Variants in MIA2 observed in about 807,000 individuals in gnomAD.
The protein encoded by MIA2 is MIA SH3 domain ER export factor 2.
MIA2 carries 127 observed loss-of-function variants against 167.8 expected under a neutral mutation model. The observed-to-expected ratio is 0.76, with a 90% CI of 0.66 to 0.88. The LOEUF (loss-of-function observed/expected upper bound fraction) is 0.88, where lower values mean the gene tolerates loss of function less well. Among genes scored for constraint, MIA2 ranks in the 40% least tolerant of loss-of-function variants. The pLI is 0.00. For synonymous variants in MIA2, 552 were observed against 541.9 expected (o/e 1.02, Z -0.26); for missense variants, 1,690 against 1,624.7 (o/e 1.04, Z -0.69).
chr14:39,294,270 T>A (rs1032788558), intron 12 of MIA2, among the ~76,000 whole-genome samples, 199 bp downstream of exon 12: 1 of 152,054 alleles, frequency 6.6e-6, no homozygotes. Context: ...CGATCTTGGC[T>A]CACTGCAACC....
In MIA2 at chr14:39,350,536, G is replaced by A; in HGVS notation, c.*272G>A. 3.4e-6 allele frequency: 1 copy of A among 295,950 alleles called. No homozygotes were observed. The highest frequency in any genetic ancestry group is 2.2e-5 in the African/African-American group (1 of 46,388). 18.3% of individuals were successfully genotyped at this position (295,950 alleles called of 1,614,324 possible). On this transcript the variant is annotated 3_prime_UTR_variant, in exon 29 of 29. Transcript: ENST00000640607. ...GTTTTATATATGTAATCTTTCAGGT[G>A]GGGAGGCTTTAAATTCTGAAGTCTG... is the stretch of plus-strand genomic sequence containing the variant.
chr14:39,375,137 T>G (rs2075022065), intron 23 of MIA2, among the ~76,000 whole-genome samples: 1 of 152,236 alleles, frequency 6.6e-6, no homozygotes, highest in Non-Finnish European at 1.5e-5. Flanking sequence ...TGCTCCCAAT[T>G]AAAACTTAAG....
intron 6 of MIA2, among the ~76,000 whole-genome samples, chr14:39,269,559 A>AC: frequency 6.7e-6 from 1 of 149,454 alleles, no homozygotes; most frequent in Non-Finnish European, 1.5e-5. Flanking sequence ...CATCCCTGTC[A>AC]CCCAGGGGGG....
In MIA2 at chr14:39,262,552, G is replaced by C. The variant is rs546515881; in HGVS notation, c.1887+9381G>C. 3.3e-5 allele frequency among the ~76,000 whole-genome samples: 5 copies of C among 152,208 alleles called. No individual in the cohort carries two copies. The East Asian group carries it at 9.6e-4, about 29-fold the overall frequency. Reference sequence around the variant, plus strand: ...AGTAGTTTTTTCCAATTCTGTGAAGGAAGTCATTGATAGCTTGATGGGGAT... The same window carrying C: ...AGTAGTTTTTTCCAATTCTGTGAAGCAAGTCATTGATAGCTTGATGGGGAT... On this transcript the variant is annotated intron_variant, in intron 6 of 28. Transcript: ENST00000640607.
At chr14:39,365,835 G>C (rs1001201267) in intron 23 of MIA2, among the ~76,000 whole-genome samples, 9 of 151,870 alleles carry the variant, frequency 5.9e-5, no homozygotes, top group African/African-American at 1.9e-4. Context: ...ATTTTTATTG[G>C]AATATAATGC....
In MIA2 at chr14:39,314,799, GGTA is replaced by G. The variant is rs781545659; in HGVS notation, c.3180+1_3180+3del. 3 of 1,258,150 alleles carry G rather than the reference GGTA, an allele frequency of 2.4e-6. No homozygotes were observed. The allele number at this position is 1,258,150 out of a possible 1,614,324, so 77.9% of individuals were successfully genotyped here. ...GAACTATTCATTCTTATCAAGGGCA[GGTA>G]TATATATATGTGTGTGTGTGTGTGT... On this transcript the variant is annotated splice_donor_variant and splice_donor_region_variant and intron_variant, in intron 20 of 28. Coordinates refer to ENST00000640607, the MANE Select transcript of MIA2 (RefSeq NM_001329214.4). LOFTEE classifies it high-confidence loss of function.
intron 6 of MIA2, among the ~76,000 whole-genome samples, chr14:39,264,866 T>C (rs183111143): frequency 1.3e-5 from 2 of 152,346 alleles, no homozygotes; most frequent in African/African-American, 4.8e-5. Flanking sequence ...TCCGATGTTC[T>C]TGGATGTTTT....
At chr14:39,322,526 C>T (rs909362926) in intron 24 of MIA2, among the ~76,000 whole-genome samples, 10 of 138,724 alleles carry the variant, frequency 7.2e-5, no homozygotes, top group East Asian at 4.1e-4. Flanking sequence ...GGCAACAGAG[C>T]GAGACTCCGT....
chr14:39,344,379 C>T (rs1567005458), intron 25 of MIA2, among the ~76,000 whole-genome samples: 1 of 152,178 alleles, frequency 6.6e-6, no homozygotes, highest in Non-Finnish European at 1.5e-5. Context: ...GAGTTTAGAT[C>T]TCAGTGATTG....
At chr14:39,368,679 TC>T (rs2074873094) in intron 23 of MIA2, among the ~76,000 whole-genome samples, 4 of 141,462 alleles carry the variant, frequency 2.8e-5, no homozygotes, top group Non-Finnish European at 4.5e-5. Flanking sequence ...CTTTTTCTTT[TC>T]TTTTTTTTGT....
exon 24 of MIA2, chr14:39,387,389 G>A (rs1247317342): frequency 6.4e-6 from 1 of 155,482 alleles, no homozygotes; most frequent in Non-Finnish European, 1.4e-5. Context: ...AAGACATCAG[G>A]GGAAGAGGTC....
chr14:39,292,141 A>G (rs981268499), intron 10 of MIA2, among the ~76,000 whole-genome samples: 8 of 152,222 alleles, frequency 5.3e-5, no homozygotes, highest in African/African-American at 1.7e-4. Context: ...TGTTGAAATT[A>G]TATTTTATTT....
rs577943012 is a variant in MIA2 at position 39,236,562 on chromosome 14, C to T, written c.116-360C>T. ...CATAATGCCTAGAATATAGTAAGTGCCAGGAAGAAAACTGATTATCTTTTG... is the reference window on the plus strand; with the variant it reads ...CATAATGCCTAGAATATAGTAAGTGTCAGGAAGAAAACTGATTATCTTTTG... On this transcript the variant is annotated intron_variant, in intron 1 of 28. Transcript: ENST00000640607. 2.6e-5 allele frequency among the ~76,000 whole-genome samples: 4 copies of T among 152,132 alleles called. No individual in the cohort carries two copies. In the South Asian group the frequency reaches 8.3e-4, roughly 32 times the overall value.
intron 6 of MIA2, among the ~76,000 whole-genome samples, chr14:39,271,107 G>T (rs1444599351): frequency 1.3e-5 from 2 of 152,112 alleles, no homozygotes; most frequent in African/African-American, 4.8e-5. Context: ...GAAGTTCTTC[G>T]ATCCACTTTG....
intron 23 of MIA2, among the ~76,000 whole-genome samples, chr14:39,360,352 A>G (rs2074653153): frequency 6.6e-6 from 1 of 151,834 alleles, no homozygotes. Flanking sequence ...TTTGATTTCC[A>G]TTTCTTTGAT....
intron 24 of MIA2, among the ~76,000 whole-genome samples, chr14:39,323,956 G>A (rs1320060190): frequency 6.6e-6 from 1 of 152,150 alleles, no homozygotes; most frequent in East Asian, 1.9e-4. Context: ...GAGTTGATCC[G>A]AACTAAAAGT....
At chr14:39,266,687 A>C in intron 6 of MIA2, 1 of 985,584 alleles carries the variant, frequency 1.0e-6, no homozygotes, top group Non-Finnish European at 1.2e-6. Flanking sequence ...TTCTGACTGG[A>C]ATGACGGCGG....
intron 18 of MIA2, among the ~76,000 whole-genome samples, chr14:39,308,952 A>G (rs2063776588): frequency 6.6e-6 from 1 of 152,144 alleles, no homozygotes; most frequent in South Asian, 2.1e-4. Context: ...TTCTGTGCAA[A>G]TTGCTTCTGC....
At chr14:39,365,360 A>T (rs1049701950) in intron 23 of MIA2, among the ~76,000 whole-genome samples, 3 of 152,214 alleles carry the variant, frequency 2.0e-5, no homozygotes, top group African/African-American at 7.2e-5. Context: ...GCACCCGGCC[A>T]TTAAATAGGT....
Sources: gnomAD v4.1 joint callset for allele counts (sites outside exome capture counted in the v4.1 genomes callset) on GRCh38, gnomAD v4.1.1 for gene constraint, MANE v1.5 for transcripts, NCBI Gene and HGNC (gene_info 2026-07-23, HGNC 2026-07-21) for gene names.